Variants in TBC1D5 observed in about 807,000 individuals in gnomAD.
The protein encoded by TBC1D5 is TBC1 domain family, member 5.
Under a neutral mutation model 100.3 loss-of-function variants are expected in TBC1D5, and 75 were observed. The ratio of observed to expected loss-of-function variants is 0.75; its 90% CI spans 0.62 to 0.91. The LOEUF (loss-of-function observed/expected upper bound fraction) is 0.91, where lower values mean the gene tolerates loss of function less well. Among genes scored for constraint, TBC1D5 ranks in the 40% least tolerant of loss-of-function variants. The pLI, the probability that TBC1D5 is intolerant of heterozygous loss-of-function variation, is 0.00. For missense variants in TBC1D5, 910 were observed against 942.4 expected, an observed-to-expected ratio of 0.97 and a Z score of 0.45; for synonymous variants, 323 against 325.6, an observed-to-expected ratio of 0.99 and a Z score of 0.09.
chr3:17,567,185 C>T (rs915784654), intron 2 of TBC1D5, among the ~76,000 whole-genome samples: 1 of 151,704 alleles, frequency 6.6e-6, no homozygotes, highest in African/African-American at 2.4e-5. Context: ...TCTAAATAGA[C>T]ATCTCTCATC....
intron 4 of TBC1D5, among the ~76,000 whole-genome samples, chr3:17,408,047 A>G (rs368837487): frequency 2.0e-5 from 3 of 152,032 alleles, no homozygotes; most frequent in South Asian, 2.1e-4. Context: ...TGGTTAAGAG[A>G]ATGGACATGA....
chr3:17,209,387 G>A (rs1187364589), intron 18 of TBC1D5, among the ~76,000 whole-genome samples: 2 of 152,190 alleles, frequency 1.3e-5, no homozygotes, highest in Admixed American at 6.5e-5. Flanking sequence ...CTGGACTCAA[G>A]CAATGCTCCC....
intron 3 of TBC1D5, among the ~76,000 whole-genome samples, chr3:17,492,047 T>C (rs749039433): frequency 6.6e-6 from 1 of 152,208 alleles, no homozygotes; most frequent in Non-Finnish European, 1.5e-5. Context: ...TACAGGAATT[T>C]ATCCATTTCT....
intron 13 of TBC1D5, among the ~76,000 whole-genome samples, chr3:17,314,694 T>C (rs1425421752): frequency 1.3e-5 from 2 of 152,224 alleles, no homozygotes; most frequent in Non-Finnish European, 2.9e-5. Flanking sequence ...GATCTGCATG[T>C]ACAAGTTTGA....
intron 1 of TBC1D5, among the ~76,000 whole-genome samples, chr3:17,644,275 AT>A (rs1269992333): frequency 2.8e-4 from 43 of 152,246 alleles, no homozygotes; most frequent in Non-Finnish European, 2.9e-5. Context: ...TGTTGATTAA[AT>A]ACTTCAGTCT....
intron 3 of TBC1D5, among the ~76,000 whole-genome samples, chr3:17,455,440 G>GTA (rs147661389): frequency 8.2e-5 from 12 of 145,494 alleles, no homozygotes; most frequent in South Asian, 6.6e-4. Flanking sequence ...GTATGTGTGT[G>GTA]TATATATATA....
intron 17 of TBC1D5, among the ~76,000 whole-genome samples, chr3:17,235,369 A>C (rs1296341645): frequency 6.6e-6 from 1 of 152,240 alleles, no homozygotes; most frequent in Non-Finnish European, 1.5e-5. Context: ...CATAACTTTC[A>C]AATTTTCCAG....
intron 2 of TBC1D5, among the ~76,000 whole-genome samples, chr3:17,557,449 T>G (rs2096529477): frequency 6.6e-6 from 1 of 152,248 alleles, no homozygotes; most frequent in Non-Finnish European, 1.5e-5. Flanking sequence ...TGCAATTGGC[T>G]GCTAACAAGC....
At chr3:17,478,374 C>T (rs1007532187) in intron 3 of TBC1D5, among the ~76,000 whole-genome samples, 7 of 152,138 alleles carry the variant, frequency 4.6e-5, no homozygotes, top group African/African-American at 1.7e-4. Flanking sequence ...CAGGGTGTGA[C>T]TTTCCAGCTT....
intron 14 of TBC1D5, among the ~76,000 whole-genome samples, chr3:17,303,683 T>A (rs750967009): frequency 5.9e-5 from 9 of 152,140 alleles, no homozygotes; most frequent in Non-Finnish European, 1.0e-4. Context: ...AATTCTTTGA[T>A]ATATTCAATT....
chr3:17,443,087 G>C (rs1559895436), intron 3 of TBC1D5, among the ~76,000 whole-genome samples: 1 of 152,112 alleles, frequency 6.6e-6, no homozygotes, highest in African/African-American at 2.4e-5. Context: ...AGAAAAATAT[G>C]ATCAATTATC....
chr3:17,300,652 T>TA (rs1399330689), intron 14 of TBC1D5, among the ~76,000 whole-genome samples: 1 of 152,196 alleles, frequency 6.6e-6, no homozygotes, highest in Non-Finnish European at 1.5e-5. Flanking sequence ...GTAACATGCT[T>TA]ACGCTGGCTG....
intron 1 of TBC1D5, among the ~76,000 whole-genome samples, chr3:17,677,177 C>A (rs944733390): frequency 2.0e-5 from 3 of 152,168 alleles, no homozygotes; most frequent in African/African-American, 4.8e-5. Context: ...TAAAGAGCTT[C>A]TGCACAGCAA....
chr3:17,219,887 C>A (rs569526969), intron 17 of TBC1D5, among the ~76,000 whole-genome samples: 1 of 152,112 alleles, frequency 6.6e-6, no homozygotes, highest in South Asian at 2.1e-4. Context: ...TGTCACTGTT[C>A]TTATGACTTT....
intron 8 of TBC1D5, 62 bp from the exon 9 acceptor site, chr3:17,384,077 T>C (rs1243988574): frequency 1.4e-6 from 2 of 1,434,176 alleles, no homozygotes; most frequent in Non-Finnish European, 9.6e-7. Flanking sequence ...ACTCTCAAAT[T>C]CTCATCTCGA....
intron 1 of TBC1D5, among the ~76,000 whole-genome samples, chr3:17,631,133 T>C (rs1379764590): frequency 3.3e-5 from 5 of 151,724 alleles, no homozygotes; most frequent in Admixed American, 1.3e-4. Flanking sequence ...TTAAAAGTGC[T>C]ATTCCAATGA....
chr3:17,627,971 T>A (rs1482945158), intron 1 of TBC1D5, among the ~76,000 whole-genome samples: 1 of 152,190 alleles, frequency 6.6e-6, no homozygotes, highest in Non-Finnish European at 1.5e-5. Flanking sequence ...CAGGTTTAGG[T>A]CAGTATCCAT....
intron 2 of TBC1D5, among the ~76,000 whole-genome samples, chr3:17,608,519 T>C (rs2061480268): frequency 6.6e-6 from 1 of 152,212 alleles, no homozygotes; most frequent in Admixed American, 6.5e-5. Context: ...TTTCATTTAG[T>C]ATGTCTGCTT....
At chr3:17,690,302 T>C (rs1445665344) in intron 1 of TBC1D5, among the ~76,000 whole-genome samples, 2 of 34,276 alleles carry the variant, frequency 5.8e-5, no homozygotes, top group Non-Finnish European at 1.2e-4. Flanking sequence ...CTGCAAGCTC[T>C]GCCTCCCGGG....
Sources: gnomAD v4.1 joint callset for allele counts (sites outside exome capture counted in the v4.1 genomes callset) on GRCh38, gnomAD v4.1.1 for gene constraint, MANE v1.5 for transcripts, NCBI Gene and HGNC (gene_info 2026-07-23, HGNC 2026-07-21) for gene names.